The following FAF1 variants were observed in gnomAD, a reference collection of about 807,000 sequenced individuals.
The protein encoded by FAF1 is Fas associated factor 1, also known as FAS-associated factor 1.
Under a neutral mutation model 92.5 loss-of-function variants are expected in FAF1, and 25 were observed. That is an observed-to-expected ratio of 0.27 (90% CI 0.20 to 0.38). The LOEUF is 0.38. FAF1 is among the 10% of genes least tolerant of loss of function. The pLI, the probability that FAF1 is intolerant of heterozygous loss-of-function variation, is 1.00. For missense variants in FAF1, 636 were observed against 793.3 expected, an observed-to-expected ratio of 0.80 and a Z score of 2.38; for synonymous variants, 234 against 273.2, an observed-to-expected ratio of 0.86 and a Z score of 1.42.
intron 8 of FAF1, among the ~76,000 whole-genome samples, chr1:50,608,104 A>G (rs1270059658): frequency 6.6e-6 from 1 of 152,234 alleles, no homozygotes; most frequent in African/African-American, 2.4e-5. Context: ...AGTCATATTT[A>G]TACCTGCTTT....
chr1:50,594,947 A>G (rs1159656078), intron 9 of FAF1, among the ~76,000 whole-genome samples: 1 of 151,560 alleles, frequency 6.6e-6, no homozygotes, highest in Non-Finnish European at 1.5e-5. Context: ...CACACAAACA[A>G]ACGTGTTCAA....
intron 2 of FAF1, among the ~76,000 whole-genome samples, chr1:50,856,959 A>T (rs901809211): frequency 6.6e-6 from 1 of 151,816 alleles, no homozygotes; most frequent in Non-Finnish European, 1.5e-5. Context: ...TCTATTTTTT[A>T]AATTTAATCA....
At chr1:50,843,806 C>T (rs1644275914) in intron 2 of FAF1, among the ~76,000 whole-genome samples, 1 of 151,774 alleles carries the variant, frequency 6.6e-6, no homozygotes, top group Non-Finnish European at 1.5e-5. Flanking sequence ...AGGTTGATTC[C>T]ATATCTTGGC....
intron 1 of FAF1, among the ~76,000 whole-genome samples, chr1:50,876,854 G>C (rs765475109): frequency 1.3e-5 from 2 of 152,164 alleles, no homozygotes; most frequent in Non-Finnish European, 2.9e-5. Flanking sequence ...AAAGTGCTGG[G>C]ATTACAGGCA....
At chr1:50,698,433 T>C (rs1357602412) in intron 7 of FAF1, among the ~76,000 whole-genome samples, 2 of 152,146 alleles carry the variant, frequency 1.3e-5, no homozygotes, top group Non-Finnish European at 2.9e-5. Context: ...AACCAAAGAA[T>C]CAGCCCCATC....
intron 4 of FAF1, among the ~76,000 whole-genome samples, chr1:50,753,960 G>A (rs569286403): frequency 2.0e-5 from 3 of 152,050 alleles, no homozygotes; most frequent in Non-Finnish European, 2.9e-5. Flanking sequence ...GTTTCAACAC[G>A]TTGGCCAGGC....
intron 1 of FAF1, among the ~76,000 whole-genome samples, chr1:50,907,905 T>G (rs1644853390): frequency 6.6e-6 from 1 of 152,186 alleles, no homozygotes; most frequent in Non-Finnish European, 1.5e-5. Flanking sequence ...ATTTCTTGCC[T>G]TCTGCTAGCT....
At chr1:50,793,975 A>T (rs897849128) in intron 3 of FAF1, among the ~76,000 whole-genome samples, 4 of 152,220 alleles carry the variant, frequency 2.6e-5, no homozygotes, top group African/African-American at 7.2e-5. Context: ...AGATTTTTAG[A>T]TTAGGAATGC....
At chr1:50,889,274 G>C (rs1478206722) in intron 1 of FAF1, among the ~76,000 whole-genome samples, 8 of 151,906 alleles carry the variant, frequency 5.3e-5, no homozygotes, top group Non-Finnish European at 1.2e-4. Flanking sequence ...TATTAGTCTT[G>C]CTAGCAGTCT....
At chr1:50,719,679 T>C (rs1658327023) in intron 6 of FAF1, among the ~76,000 whole-genome samples, 1 of 152,174 alleles carries the variant, frequency 6.6e-6, no homozygotes, top group Non-Finnish European at 1.5e-5. Flanking sequence ...ATTCTAACCA[T>C]CTAGACAAAA....
intron 15 of FAF1, among the ~76,000 whole-genome samples, chr1:50,519,439 GGA>G: frequency 6.9e-6 from 1 of 145,958 alleles, no homozygotes; most frequent in African/African-American, 2.6e-5. Context: ...AAGGAAGGAA[GGA>G]GGAGGGAAGG....
At chr1:50,917,655 AAAGGAAAG>A (rs1644929406) in intron 1 of FAF1, among the ~76,000 whole-genome samples, 1 of 142,166 alleles carries the variant, frequency 7.0e-6, no homozygotes, top group Admixed American at 7.0e-5. Flanking sequence ...AAAGGAAAGG[AAAGGAAAG>A]GAAAGGAAAG....
intron 6 of FAF1, among the ~76,000 whole-genome samples, chr1:50,725,566 G>A (rs985339275): frequency 5.9e-5 from 9 of 152,036 alleles, no homozygotes; most frequent in African/African-American, 9.7e-5. Context: ...AGCAATTCCC[G>A]TGCCTCAGCT....
intron 8 of FAF1, among the ~76,000 whole-genome samples, chr1:50,614,516 A>G (rs909496680): frequency 5.5e-5 from 6 of 108,392 alleles, no homozygotes; most frequent in Non-Finnish European, 9.3e-5. Context: ...TGATCAACAC[A>G]TAGTAATATT....
chr1:50,786,315 T>C (rs1661363449), intron 4 of FAF1, among the ~76,000 whole-genome samples: 1 of 152,204 alleles, frequency 6.6e-6, no homozygotes, highest in Non-Finnish European at 1.5e-5. Flanking sequence ...ACAACATATA[T>C]AAGCATTGAG....
intron 13 of FAF1, among the ~76,000 whole-genome samples, chr1:50,542,214 TG>T (rs1648790513): frequency 6.6e-6 from 1 of 152,190 alleles, no homozygotes; most frequent in African/African-American, 2.4e-5. Flanking sequence ...ATATGAATTA[TG>T]TTTGAGATTT....
At chr1:50,764,402 A>G (rs767306447) in intron 4 of FAF1, among the ~76,000 whole-genome samples, 2 of 152,212 alleles carry the variant, frequency 1.3e-5, no homozygotes, top group Non-Finnish European at 2.9e-5. Context: ...TGCAGAAAGC[A>G]TCATTCAGAT....
chr1:50,779,551 A>G (rs1192077134), intron 4 of FAF1, among the ~76,000 whole-genome samples: 1 of 151,846 alleles, frequency 6.6e-6, no homozygotes, highest in Non-Finnish European at 1.5e-5. Flanking sequence ...ATATCTAAAT[A>G]TATATTTAGA....
chr1:50,704,229 C>G (rs1275712382), intron 7 of FAF1, among the ~76,000 whole-genome samples: 2 of 152,004 alleles, frequency 1.3e-5, no homozygotes, highest in African/African-American at 4.8e-5. Context: ...GTCCTTTCTG[C>G]CCTCTTGTGG....
Sources: allele counts gnomAD v4.1 joint callset (sites outside exome capture counted in the v4.1 genomes callset), GRCh38; gene constraint gnomAD v4.1.1; transcripts MANE v1.5; gene names NCBI Gene and HGNC (gene_info 2026-07-23, HGNC 2026-07-21).